Variants in CRTC3 observed in about 807,000 individuals in gnomAD.
CRTC3 encodes CREB-regulated transcription coactivator 3.
CRTC3 carries 26 observed loss-of-function variants against 74.5 expected under a neutral mutation model. That is an observed-to-expected ratio of 0.35 (90% confidence interval 0.26 to 0.48). The LOEUF is 0.48. CRTC3 is among the 20% of genes least tolerant of loss of function. The probability of loss-of-function intolerance (pLI) is 0.99; values close to 1 mark genes in which losing one functional copy is unlikely to be tolerated. For synonymous variants in CRTC3, 377 were observed against 325.8 expected (o/e 1.16, Z -1.69); for missense variants, 760 against 787.3 (o/e 0.97, Z 0.41).
At chr15:90,634,671 G>C (rs777680997) in intron 11 of CRTC3, 4 of 588,536 alleles carry the variant, frequency 6.8e-6, no homozygotes, top group African/African-American at 1.9e-5. Context: ...CTGAGGGGCT[G>C]TCTCCTTGCG....
At chr15:90,626,027 C>G (rs371180499) in intron 10 of CRTC3, 34 bp downstream of exon 10, 3 of 1,561,766 alleles carry the variant, frequency 1.9e-6, no homozygotes, top group Admixed American at 3.3e-5. Context: ...GACCTGGTGG[C>G]TTAATCATAG....
At chr15:90,556,254 TA>T (rs1966888895) in intron 2 of CRTC3, among the ~76,000 whole-genome samples, 1 of 152,186 alleles carries the variant, frequency 6.6e-6, no homozygotes, top group South Asian at 2.1e-4. Flanking sequence ...AATATGGTAA[TA>T]AACACTTTTA....
At position 90,642,228 on chromosome 15, in the gene CRTC3, C is replaced by A; in HGVS notation, c.*88C>A. On this transcript the variant is annotated 3_prime_UTR_variant, in exon 15 of 15. Coordinates refer to ENST00000268184, the MANE Select transcript of CRTC3 (RefSeq NM_022769.5). Reference sequence around the variant, plus strand: ...GAAGCCAGCTGATACCACGGGCTTTCGTTATCTTGACATAGAAGGAAGCAA... The same window carrying A: ...GAAGCCAGCTGATACCACGGGCTTTAGTTATCTTGACATAGAAGGAAGCAA... 8.9e-7 allele frequency: 1 copy of A among 1,127,732 alleles called. No individual in the cohort carries two copies. Among genetic ancestry groups the A allele is most frequent in the Admixed American group, 1.9e-5 (1 of 51,404 alleles). 69.9% of individuals were successfully genotyped at this position (1,127,732 alleles called of 1,614,324 possible).
In CRTC3 at chr15:90,645,099, C is replaced by G. The variant is rs975301811; in HGVS notation, c.*2959C>G. On this transcript the variant is annotated 3_prime_UTR_variant, in exon 15 of 15. Transcript: ENST00000268184. ...CAAGTCCATATGCGTATTTGCAGACCTTTCCTGTTCCCACTCTTGTTGGCT... is the reference window on the plus strand; with the variant it reads ...CAAGTCCATATGCGTATTTGCAGACGTTTCCTGTTCCCACTCTTGTTGGCT... The G allele has an allele frequency of 4.3e-5, 10 of 230,370 alleles. No homozygotes were observed. The highest frequency in any genetic ancestry group is 7.7e-5 in the Non-Finnish European group (9 of 116,208). 14.3% of individuals were successfully genotyped at this position (230,370 alleles called of 1,614,324 possible).
intron 2 of CRTC3, among the ~76,000 whole-genome samples, chr15:90,556,094 A>G (rs1966887036): frequency 6.6e-6 from 1 of 152,022 alleles, no homozygotes; most frequent in Admixed American, 6.5e-5. Flanking sequence ...TTTCTTTTTC[A>G]ACCATTATAT....
chr15:90,560,243 C>T (rs961411188), intron 2 of CRTC3, among the ~76,000 whole-genome samples: 1 of 152,154 alleles, frequency 6.6e-6, no homozygotes, highest in African/African-American at 2.4e-5. Context: ...GTGGGATGTC[C>T]ATTCAGTCAG....
intron 2 of CRTC3, among the ~76,000 whole-genome samples, chr15:90,592,874 G>A (rs1967833800): frequency 6.6e-6 from 1 of 152,128 alleles, no homozygotes; most frequent in African/African-American, 2.4e-5. Flanking sequence ...TTTATGGGTG[G>A]GTGCGGTGGC....
chr15:90,625,811 C>T lies in CRTC3; in HGVS notation c.785C>T (p.Ser262Leu), dbSNP rs1316617008. ...CATAATGGTCAAAACCTAGGCCTCTCACCCTTCTTGGGGACCTTGAACACT... is the reference window on the plus strand; with the variant it reads ...CATAATGGTCAAAACCTAGGCCTCTTACCCTTCTTGGGGACCTTGAACACT... ...FPHNGQNLGLSPFLGTLNTGG... is the reference protein window; with the variant it reads ...FPHNGQNLGLLPFLGTLNTGG... Residue 262 changes from serine (S) to leucine (L), a missense_variant, in exon 10 of 15, where the codon TCA becomes TTA. Ser to Leu is a moderately radical substitution (Grantham distance 145). Transcript: ENST00000268184. The T allele has an allele frequency of 6.2e-7, 1 of 1,614,220 alleles. No individual in the cohort carries two copies. Among genetic ancestry groups the T allele is most frequent in the Non-Finnish European group, 8.5e-7 (1 of 1,180,006 alleles).
chr15:90,588,640 G>A (rs1221885932), intron 2 of CRTC3, among the ~76,000 whole-genome samples: 2 of 152,010 alleles, frequency 1.3e-5, no homozygotes, highest in Non-Finnish European at 2.9e-5. Flanking sequence ...CTGCAGCTGG[G>A]TGACGTCAGA....
At chr15:90,575,398 G>A (rs2151071291) in intron 2 of CRTC3, among the ~76,000 whole-genome samples, 1 of 152,204 alleles carries the variant, frequency 6.6e-6, no homozygotes, top group Middle Eastern at 3.4e-3. Context: ...CAGGTTTTTT[G>A]TTATAGTTAG....
In CRTC3 at chr15:90,533,151, C is replaced by CCCAGCA. The variant is rs777233921; in HGVS notation, c.132+2950_132+2955dup. Among the ~76,000 whole-genome samples, 17 of 135,870 alleles carry CCCAGCA rather than the reference C, an allele frequency of 1.3e-4. No individual in the cohort carries two copies. In the East Asian group the frequency reaches 3.4e-3, roughly 27 times the overall value. 89.1% of individuals were successfully genotyped at this position (135,870 alleles called of 152,430 possible). A position where few individuals can be genotyped will look rare whatever the true frequency, so the allele number is the denominator to read the frequency against. Reference sequence around the variant, plus strand: ...GGGCGCGGTGGGTCACGCCTGTAATCCCAGCACTTTGGAAGGCCGAGGCGG... The same window carrying CCCAGCA: ...GGGCGCGGTGGGTCACGCCTGTAATCCCAGCACCAGCACTTTGGAAGGCCGAGGCGG... On this transcript the variant is annotated intron_variant, in intron 1 of 14. Transcript: ENST00000268184.
intron 2 of CRTC3, among the ~76,000 whole-genome samples, chr15:90,549,381 G>A (rs1966850297): frequency 6.6e-6 from 1 of 151,890 alleles, no homozygotes; most frequent in South Asian, 2.1e-4. Flanking sequence ...AGGAGAAATT[G>A]AATCTGAACA....
intron 2 of CRTC3, among the ~76,000 whole-genome samples, chr15:90,572,725 GT>G (rs910476325): frequency 3.4e-4 from 51 of 152,124 alleles, no homozygotes; most frequent in African/African-American, 1.2e-3. Flanking sequence ...ACAGCTGTGC[GT>G]CACCATACCC....
At chr15:90,557,407 G>A (rs192219228) in intron 2 of CRTC3, among the ~76,000 whole-genome samples, 2 of 152,186 alleles carry the variant, frequency 1.3e-5, no homozygotes, top group East Asian at 1.9e-4. Context: ...TCCCCAGAAC[G>A]TTTCTTGCTT....
intron 2 of CRTC3, among the ~76,000 whole-genome samples, chr15:90,586,513 T>TCACTACC (rs1967668725): frequency 6.6e-6 from 1 of 151,946 alleles, no homozygotes; most frequent in African/African-American, 2.4e-5. Flanking sequence ...CTACGGACTC[T>TCACTACC]CACTACCATG....
At position 90,593,196 on chromosome 15, in the gene CRTC3, C is replaced by T. The variant is rs190819832; in HGVS notation, c.232-440C>T. Among the ~76,000 whole-genome samples, 245 of 152,264 alleles carry T rather than the reference C, an allele frequency of 1.6e-3. 1 individual carries two copies. Among genetic ancestry groups the T allele is most frequent in the Non-Finnish European group, 2.9e-3 (200 of 68,014 alleles). Reference sequence around the variant, plus strand: ...AAAAATTCTGACTTTTCCCTAGAATCCTCAAGTCTGAATTTTCAAACATTA... The same window carrying T: ...AAAAATTCTGACTTTTCCCTAGAATTCTCAAGTCTGAATTTTCAAACATTA... On this transcript the variant is annotated intron_variant, in intron 2 of 14. Transcript: ENST00000268184.
chr15:90,567,691 A>AAAATAAATACATAAAT (rs1967157498), intron 2 of CRTC3, among the ~76,000 whole-genome samples: 1 of 145,570 alleles, frequency 6.9e-6, no homozygotes. Context: ...TCCGTCTCAA[A>AAAATAAATACATAAAT]AAATAAATAA....
intron 2 of CRTC3, among the ~76,000 whole-genome samples, chr15:90,560,474 G>T (rs1005252512): frequency 2.6e-5 from 4 of 152,230 alleles, no homozygotes; most frequent in African/African-American, 7.2e-5. Flanking sequence ...GGCAGAATTC[G>T]CTTTTAGCTT....
At chr15:90,618,422 C>T (rs1289423696) in intron 8 of CRTC3, among the ~76,000 whole-genome samples, 2 of 152,138 alleles carry the variant, frequency 1.3e-5, no homozygotes, top group African/African-American at 4.8e-5. Flanking sequence ...GTAGACAAGT[C>T]ATCTGTTTTA....
Sources: gnomAD v4.1 joint callset for allele counts (sites outside exome capture counted in the v4.1 genomes callset) on GRCh38, gnomAD v4.1.1 for gene constraint, MANE v1.5 for transcripts, NCBI Gene and HGNC (gene_info 2026-07-23, HGNC 2026-07-21) for gene names.